The following SCARB2 variants were observed in gnomAD, a reference collection of about 807,000 sequenced individuals.
SCARB2 encodes scavenger receptor class B member 2, also known as lysosome membrane protein 2.
A neutral mutation model predicts 58.6 loss-of-function variants in SCARB2; 29 were observed. The ratio of observed to expected loss-of-function variants is 0.49; its 90% CI spans 0.37 to 0.67. The LOEUF is 0.67. Among genes scored for constraint, SCARB2 ranks in the 30% least tolerant of loss-of-function variants. SCARB2 has a pLI of 0.00. For missense variants in SCARB2, 488 were observed against 578.5 expected (o/e 0.84, Z 1.60); for synonymous variants, 195 against 210.1 (o/e 0.93, Z 0.62).
chr4:76,230,458 A>G (rs1244340075), intron 1 of SCARB2, among the ~76,000 whole-genome samples: 3 of 152,160 alleles, frequency 2.0e-5, no homozygotes, highest in Admixed American at 6.5e-5. Context: ...GAAAGCAAGC[A>G]TCACTTTCAG....
intron 1 of SCARB2, among the ~76,000 whole-genome samples, chr4:76,205,425 A>T (rs934910116): frequency 5.3e-5 from 8 of 152,230 alleles, no homozygotes; most frequent in African/African-American, 1.9e-4. Flanking sequence ...TTCTTACCAC[A>T]AAACAAAGAT....
intron 4 of SCARB2, 22 bp from the exon 5 acceptor site, chr4:76,176,550 C>T: frequency 6.7e-7 from 1 of 1,486,674 alleles, no homozygotes; most frequent in Non-Finnish European, 9.4e-7. Flanking sequence ...TGAATATGAT[C>T]ATTTAAAGTA....
chr4:76,190,690 A>C (rs749333811), intron 2 of SCARB2, among the ~76,000 whole-genome samples: 1 of 152,180 alleles, frequency 6.6e-6, no homozygotes, highest in Non-Finnish European at 1.5e-5. Context: ...AGGCTGAGGC[A>C]GAAGAATCAC....
In SCARB2 at chr4:76,159,252, GTCTT is replaced by G. The variant is rs1402835718; in HGVS notation, c.*2457_*2460del. Reference sequence around the variant, plus strand: ...GCTTACAATCACAAAGCCTTTGGGGGTCTTTCTAAGATAACTGCCGCAAGAAAAT... The same window carrying G: ...GCTTACAATCACAAAGCCTTTGGGGGTCTAAGATAACTGCCGCAAGAAAAT... On this transcript the variant is annotated 3_prime_UTR_variant, in exon 12 of 12. Transcript: ENST00000264896. 6.6e-6 allele frequency: 1 copy of G among 152,180 alleles called. No individual in the cohort carries two copies. Among genetic ancestry groups the G allele is most frequent in the Non-Finnish European group, 1.5e-5 (1 of 68,036 alleles). 9.4% of individuals were successfully genotyped at this position (152,180 alleles called of 1,614,324 possible).
intron 2 of SCARB2, 82 bp from the exon 3 acceptor site, chr4:76,181,183 T>C: frequency 7.2e-7 from 1 of 1,380,232 alleles, no homozygotes; most frequent in Non-Finnish European, 1.0e-6. Flanking sequence ...GCATCCAAGT[T>C]ATATTTTCAA....
chr4:76,178,077 C>T (rs4634246), intron 4 of SCARB2, among the ~76,000 whole-genome samples: 16,516 of 152,160 alleles, frequency 0.11, 1,120 homozygotes, highest in East Asian at 0.21. Context: ...AGTCCAGGAC[C>T]AGGACCAATT....
intron 6 of SCARB2, 198 bp from the exon 7 acceptor site, chr4:76,174,511 G>A: frequency 1.7e-6 from 1 of 587,478 alleles, no homozygotes; most frequent in African/African-American, 1.9e-5. Context: ...GGTGTTTATT[G>A]TAGCAACGGT....
At chr4:76,213,887 C>G (rs1485277283), upstream of SCARB2, 1 of 171,870 alleles carries the variant, frequency 5.8e-6, no homozygotes, top group Non-Finnish European at 1.2e-5. Context: ...GCGAGGCAAC[C>G]GCCGGCGACT....
At chr4:76,225,252 T>C (rs2119730) in intron 1 of SCARB2, among the ~76,000 whole-genome samples, 99,943 of 152,028 alleles carry the variant, frequency 0.66, 34,604 homozygotes, top group Non-Finnish European at 0.78. Flanking sequence ...TAAAGACACA[T>C]GTGCAAGTGT....
chr4:76,170,681 A>G (rs1732110132), intron 7 of SCARB2, among the ~76,000 whole-genome samples: 1 of 151,480 alleles, frequency 6.6e-6, no homozygotes, highest in Admixed American at 6.6e-5. Context: ...CCACACCCGG[A>G]TAATTTTTTT....
Position 76,213,527 on chromosome 4 carries a change from A to T in SCARB2, c.17T>A (p.Phe6Tyr), listed in dbSNP as rs1456086572. ...CAGGGACAACGTCCCCGCCGTGTAG[A>T]AGCAGCATCGGCCCATTCTGTGCGC... MGRCCFYTAGTLSLLL... is the reference protein window; with the variant it reads MGRCCYYTAGTLSLLL... The change falls in exon 1 of 12, where the codon TTC (phenylalanine) becomes TAC (tyrosine). Residue 6 changes from phenylalanine to tyrosine, a missense_variant. Physicochemically the swap from Phe to Tyr is conservative, Grantham distance 22. Coordinates refer to ENST00000264896, the MANE Select transcript of SCARB2 (RefSeq NM_005506.4). 8 of 1,610,400 alleles carry T rather than the reference A, an allele frequency of 5.0e-6. No homozygotes were observed. The highest frequency in any genetic ancestry group is 1.1e-5 in the South Asian group (1 of 90,326).
At chr4:76,208,300 T>C (rs1184474394) in intron 1 of SCARB2, among the ~76,000 whole-genome samples, 4 of 152,228 alleles carry the variant, frequency 2.6e-5, no homozygotes, top group Non-Finnish European at 5.9e-5. Flanking sequence ...AAACTTAATA[T>C]GATTTTGATA....
chr4:76,229,515 CTT>C (rs1376804427), intron 1 of SCARB2, among the ~76,000 whole-genome samples: 1 of 152,176 alleles, frequency 6.6e-6, no homozygotes, highest in Non-Finnish European at 1.5e-5. Context: ...TGTTCAGATT[CTT>C]TTGTCCTATA....
intron 2 of SCARB2, among the ~76,000 whole-genome samples, chr4:76,191,183 C>T (rs1482567517): frequency 6.6e-6 from 1 of 152,176 alleles, no homozygotes; most frequent in Non-Finnish European, 1.5e-5. Context: ...ACCCAGTACA[C>T]AGTGTTTCAT....
chr4:76,171,687 C>T (rs1732131908), intron 7 of SCARB2, among the ~76,000 whole-genome samples: 1 of 151,858 alleles, frequency 6.6e-6, no homozygotes. Flanking sequence ...TACATTTTTG[C>T]TTTGAGCCAG....
intron 1 of SCARB2, among the ~76,000 whole-genome samples, chr4:76,226,313 T>C (rs888330078): frequency 6.6e-6 from 1 of 152,140 alleles, no homozygotes; most frequent in African/African-American, 2.4e-5. Context: ...AAGGCAGTGG[T>C]GCATCAAGTG....
rs1378996048 is a variant in SCARB2, at chr4:76,159,144, G to A, written c.*2569C>T. Reference sequence around the variant, plus strand: ...ACTCCTAATTTTCCCTGAGAGAAGTGAGTTAAGCTCTCTGTCTTGGTTTCT... The same window carrying A: ...ACTCCTAATTTTCCCTGAGAGAAGTAAGTTAAGCTCTCTGTCTTGGTTTCT... On this transcript the variant is annotated 3_prime_UTR_variant, in exon 12 of 12. Coordinates refer to ENST00000264896, the MANE Select transcript of SCARB2 (RefSeq NM_005506.4). 1 of 152,172 alleles carries A rather than the reference G, an allele frequency of 6.6e-6. No homozygotes were observed. 9.4% of individuals were successfully genotyped at this position (152,172 alleles called of 1,614,324 possible). A position where few individuals can be genotyped will look rare whatever the true frequency, so the allele number is the denominator to read the frequency against.
chr4:76,172,916 A>G (rs186271628), intron 7 of SCARB2: 1 of 152,206 alleles, frequency 6.6e-6, no homozygotes. Context: ...GAAATTTTAA[A>G]GAGGAATTAC....
intron 1 of SCARB2, among the ~76,000 whole-genome samples, chr4:76,226,242 G>A (rs896967507): frequency 1.3e-5 from 2 of 152,198 alleles, no homozygotes; most frequent in African/African-American, 4.8e-5. Context: ...AAAGAAGCAG[G>A]TGGTGAGGAC....
Sources: gnomAD v4.1 joint callset for allele counts (sites outside exome capture counted in the v4.1 genomes callset) on GRCh38, gnomAD v4.1.1 for gene constraint, MANE v1.5 for transcripts, NCBI Gene and HGNC (gene_info 2026-07-23, HGNC 2026-07-21) for gene names.